Variants in BLOC1S6 observed in about 807,000 individuals in gnomAD.
The protein encoded by BLOC1S6 is biogenesis of lysosome-related organelles complex 1 subunit 6.
A neutral mutation model predicts 24.7 loss-of-function variants in BLOC1S6; 24 were observed. The observed-to-expected ratio is 0.97, with a 90% CI of 0.70 to 1.37. The LOEUF (loss-of-function observed/expected upper bound fraction) is 1.37. BLOC1S6 is among the 40% of genes most tolerant of loss of function. The pLI, the probability that BLOC1S6 is intolerant of heterozygous loss-of-function variation, is 0.00. For missense variants in BLOC1S6, 175 were observed against 196.2 expected (o/e 0.89, Z 0.64); for synonymous variants, 76 against 72.6 (o/e 1.05, Z -0.23).
At chr15:45,587,580 C>T (rs528794418) in intron 1 of BLOC1S6, 55 bp downstream of exon 1, 3 of 1,485,026 alleles carry the variant, frequency 2.0e-6, no homozygotes, top group Non-Finnish European at 2.7e-6. Flanking sequence ...GGGCGGGGAC[C>T]TGAGTGAGTA....
chr15:45,602,520 T>A, intron 2 of BLOC1S6: 1 of 510,720 alleles, frequency 2.0e-6, no homozygotes, highest in South Asian at 3.0e-5. Flanking sequence ...TCTGGTCTGA[T>A]CTTCTCACTT....
chr15:45,603,065 G>A lies in BLOC1S6; in HGVS notation c.225-35G>A, dbSNP rs747252719. On this transcript the variant is annotated intron_variant, in intron 2 of 4. Coordinates refer to ENST00000220531, the MANE Select transcript of BLOC1S6 (RefSeq NM_012388.4). ...TTTAATGGACCGGCACTTTAAATAT[G>A]TAGAGTTTGTCTTGGCTGTGTGTTT... 5 of 1,403,726 alleles carry A rather than the reference G, an allele frequency of 3.6e-6. No individual in the cohort carries two copies. The South Asian group carries it at 5.8e-5, about 16-fold the overall frequency. 87.0% of individuals were successfully genotyped at this position (1,403,726 alleles called of 1,614,324 possible).
intron 2 of BLOC1S6, 52 bp downstream of exon 2, chr15:45,592,328 C>A: frequency 1.3e-6 from 2 of 1,592,054 alleles, no homozygotes; most frequent in Non-Finnish European, 1.7e-6. Flanking sequence ...GGCATAGTCA[C>A]AATTTGTATA....
At chr15:45,596,299 G>T (rs1894074240) in intron 2 of BLOC1S6, among the ~76,000 whole-genome samples, 1 of 152,128 alleles carries the variant, frequency 6.6e-6, no homozygotes, top group South Asian at 2.1e-4. Context: ...CTGGGCTCAA[G>T]TGATCCTTCC....
Position 45,606,378 on chromosome 15 carries a change from T to A in BLOC1S6, c.400-17T>A, listed in dbSNP as rs533554786. ...CCTGATTGCTCTCTTGGTTTTTAAA[T>A]TTTTTTTTTAACACAGAAAAGAGCA... On this transcript the variant is annotated splice_polypyrimidine_tract_variant and intron_variant, in intron 4 of 4. Transcript: ENST00000220531. The A allele has an allele frequency of 1.6e-5, 25 of 1,534,308 alleles. No individual in the cohort carries two copies. The African/African-American group carries it at 3.3e-4, about 20-fold the overall frequency.
At chr15:45,604,444 C>T (rs1894380106) in intron 3 of BLOC1S6, among the ~76,000 whole-genome samples, 1 of 152,026 alleles carries the variant, frequency 6.6e-6, no homozygotes, top group Non-Finnish European at 1.5e-5. Flanking sequence ...TTTTGTGTTC[C>T]CCACTGAAAT....
At chr15:45,602,132 G>T (rs1894292349) in intron 2 of BLOC1S6, among the ~76,000 whole-genome samples, 1 of 151,980 alleles carries the variant, frequency 6.6e-6, no homozygotes, top group South Asian at 2.1e-4. Flanking sequence ...CTGGCTTCAA[G>T]CAATCCTCCT....
At chr15:45,590,768 C>T (rs1276853666) in intron 1 of BLOC1S6, among the ~76,000 whole-genome samples, 1 of 152,142 alleles carries the variant, frequency 6.6e-6, no homozygotes, top group African/African-American at 2.4e-5. Context: ...AGAAATGTGT[C>T]ACAAGCAATG....
intron 2 of BLOC1S6, among the ~76,000 whole-genome samples, chr15:45,595,884 CACA>C (rs1318415376): frequency 6.6e-6 from 1 of 151,110 alleles, no homozygotes; most frequent in African/African-American, 2.4e-5. Context: ...CTCGGCTCAC[CACA>C]ACGTCTGCCT....
chr15:45,605,968 T>C (rs1894441066), intron 4 of BLOC1S6, among the ~76,000 whole-genome samples: 1 of 152,222 alleles, frequency 6.6e-6, no homozygotes, highest in South Asian at 2.1e-4. Flanking sequence ...TTTTTAAAAA[T>C]GTCATTGTTT....
At chr15:45,591,430 T>C (rs988516884) in intron 1 of BLOC1S6, among the ~76,000 whole-genome samples, 1 of 152,160 alleles carries the variant, frequency 6.6e-6, no homozygotes, top group African/African-American at 2.4e-5. Context: ...TATTTTTATT[T>C]TTATATCTAT....
At chr15:45,587,837 T>C (rs897465933) in intron 1 of BLOC1S6, 21 of 687,894 alleles carry the variant, frequency 3.1e-5, no homozygotes, top group African/African-American at 1.8e-4. Context: ...TGGTGGGGGA[T>C]GGATTTACCA....
intron 1 of BLOC1S6, among the ~76,000 whole-genome samples, chr15:45,588,964 T>C (rs1351647864): frequency 6.6e-6 from 1 of 152,226 alleles, no homozygotes; most frequent in African/African-American, 2.4e-5. Flanking sequence ...AGGAGGGCAG[T>C]TTGGCAATGT....
chr15:45,595,883 C>A (rs531056928), intron 2 of BLOC1S6, among the ~76,000 whole-genome samples: 33 of 152,292 alleles, frequency 2.2e-4, no homozygotes, highest in African/African-American at 7.5e-4. Flanking sequence ...TCTCGGCTCA[C>A]CACAACGTCT....
intron 1 of BLOC1S6, among the ~76,000 whole-genome samples, chr15:45,590,210 T>C (rs1371534066): frequency 6.6e-6 from 1 of 151,944 alleles, no homozygotes; most frequent in African/African-American, 2.4e-5. Flanking sequence ...TTTTCTTTTT[T>C]TGGTTTTTGT....
intron 2 of BLOC1S6, among the ~76,000 whole-genome samples, chr15:45,596,812 A>G (rs1022259353): frequency 4.0e-5 from 6 of 151,598 alleles, no homozygotes; most frequent in African/African-American, 1.5e-4. Context: ...AAGTAGCGGG[A>G]TTATAGGTGC....
intron 4 of BLOC1S6, 30 bp downstream of exon 4, chr15:45,605,544 CAA>C (rs754120865): frequency 2.2e-5 from 28 of 1,284,076 alleles, no homozygotes; most frequent in Non-Finnish European, 3.0e-5. Flanking sequence ...ACATTCTTTA[CAA>C]AAGTAGAGGT....
At chr15:45,593,416 T>G in intron 2 of BLOC1S6, among the ~76,000 whole-genome samples, 1 of 148,034 alleles carries the variant, frequency 6.8e-6, no homozygotes, top group Non-Finnish European at 1.5e-5. Context: ...AAAGTGGTAC[T>G]GGGTTATTCT....
At chr15:45,605,671 C>T (rs1894428747) in intron 4 of BLOC1S6, 157 bp downstream of exon 4, 1 of 579,186 alleles carries the variant, frequency 1.7e-6, no homozygotes, top group Non-Finnish European at 3.0e-6. Context: ...CTCACTGCAA[C>T]CTCTGCCTCC....
Sources: allele counts gnomAD v4.1 joint callset (sites outside exome capture counted in the v4.1 genomes callset), GRCh38; gene constraint gnomAD v4.1.1; transcripts MANE v1.5; gene names NCBI Gene and HGNC (gene_info 2026-07-23, HGNC 2026-07-21).